Variants in INTS9 observed in about 807,000 individuals in gnomAD.
INTS9 encodes protein related to CPSF subunits of 74 kDa.
A neutral mutation model predicts 79.7 loss-of-function variants in INTS9; 55 were observed. The ratio of observed to expected loss-of-function variants is 0.69; its 90% CI spans 0.56 to 0.86. The LOEUF (loss-of-function observed/expected upper bound fraction) is 0.86, where lower values mean the gene tolerates loss of function less well. INTS9 is among the 40% of genes least tolerant of loss of function. INTS9 has a pLI of 0.00. For synonymous variants in INTS9, 319 were observed against 325.2 expected (o/e 0.98, Z 0.20); for missense variants, 721 against 831.5 (o/e 0.87, Z 1.64).
intron 6 of INTS9, among the ~76,000 whole-genome samples, chr8:28,816,166 ATTATACTT>A (rs1301330350): frequency 6.6e-6 from 1 of 151,320 alleles, no homozygotes; most frequent in African/African-American, 2.4e-5. Context: ...TTTTATTATT[ATTATACTT>A]TAAGTTTTAG....
chr8:28,886,072 G>C (rs961310355), intron 1 of INTS9, among the ~76,000 whole-genome samples: 7 of 152,232 alleles, frequency 4.6e-5, no homozygotes, highest in Admixed American at 3.9e-4. Context: ...GCCACCAAGA[G>C]GGTGATGTGC....
At chr8:28,833,676 A>G (rs967260393) in intron 6 of INTS9, among the ~76,000 whole-genome samples, 7 of 150,912 alleles carry the variant, frequency 4.6e-5, no homozygotes, top group Non-Finnish European at 7.4e-5. Context: ...GAAAAAGAAA[A>G]AGAAAAAAAA....
chr8:28,853,957 G>T (rs918293176), intron 2 of INTS9, among the ~76,000 whole-genome samples: 1 of 152,178 alleles, frequency 6.6e-6, no homozygotes, highest in African/African-American at 2.4e-5. Flanking sequence ...CTGACCTCGT[G>T]ATCTGCCCGC....
intron 6 of INTS9, among the ~76,000 whole-genome samples, chr8:28,829,889 G>A (rs565225215): frequency 6.6e-6 from 1 of 152,212 alleles, no homozygotes; most frequent in South Asian, 2.1e-4. Context: ...GGCCACGATC[G>A]CTGGAGCTAC....
chr8:28,783,747 A>G lies in INTS9; in HGVS notation c.1099-2753T>C, dbSNP rs2130909879. 2 of 152,380 alleles carry G rather than the reference A, an allele frequency of 1.3e-5. 1 individual carries two copies. The highest frequency in any genetic ancestry group is 4.1e-4 in the South Asian group (2 of 4,830). The allele number at this position is 152,380 out of a possible 1,614,324, so 9.4% of individuals were successfully genotyped here. On this transcript the variant is annotated intron_variant, in intron 11 of 16. Coordinates refer to ENST00000521022, the MANE Select transcript of INTS9 (RefSeq NM_018250.4). The stretch of plus-strand genomic sequence containing the variant: ...AAGCCGGAGCAAACATCGAATTCCC[A>G]CGTTCCTTCCAGGTAGTCTGCAAGT...
intron 3 of INTS9, among the ~76,000 whole-genome samples, chr8:28,848,620 G>T (rs1401509922): frequency 2.0e-5 from 3 of 152,160 alleles, no homozygotes; most frequent in Non-Finnish European, 4.4e-5. Flanking sequence ...TTAGGATGAG[G>T]TTAAAAATGA....
At chr8:28,779,631 AG>A (rs1803122505) in intron 12 of INTS9, among the ~76,000 whole-genome samples, 1 of 152,190 alleles carries the variant, frequency 6.6e-6, no homozygotes, top group African/African-American at 2.4e-5. Flanking sequence ...CACCCAATAC[AG>A]GGTGACGCCT....
intron 2 of INTS9, among the ~76,000 whole-genome samples, chr8:28,857,104 T>C (rs1808212981): frequency 6.6e-6 from 1 of 152,234 alleles, no homozygotes; most frequent in African/African-American, 2.4e-5. Flanking sequence ...TACCACATTT[T>C]CTTTATCCAG....
At chr8:28,814,332 A>ACT (rs1177244886) in intron 6 of INTS9, among the ~76,000 whole-genome samples, 8 of 132,388 alleles carry the variant, frequency 6.0e-5, no homozygotes, top group African/African-American at 1.6e-4. Context: ...ACACACACAC[A>ACT]CACTCTCACA....
intron 14 of INTS9, 82 bp downstream of exon 14, chr8:28,775,676 TC>T: frequency 1.1e-5 from 15 of 1,417,190 alleles, no homozygotes; most frequent in Non-Finnish European, 1.5e-5. Context: ...TTGACATAAA[TC>T]CAAAAGAAGG....
chr8:28,850,603 T>G (rs1174126775), intron 2 of INTS9, among the ~76,000 whole-genome samples: 1 of 152,234 alleles, frequency 6.6e-6, no homozygotes, highest in Non-Finnish European at 1.5e-5. Flanking sequence ...CCCATGTGTT[T>G]GACAACAGTC....
intron 1 of INTS9, among the ~76,000 whole-genome samples, chr8:28,869,190 A>C (rs117684780): frequency 2.1e-3 from 320 of 152,332 alleles, no homozygotes; most frequent in Non-Finnish European, 3.5e-3. Context: ...CTTTAAAAAA[A>C]ATATTTTATT....
intron 1 of INTS9, chr8:28,862,040 C>T (rs1033990989): frequency 3.1e-6 from 3 of 981,930 alleles, no homozygotes; most frequent in Non-Finnish European, 3.6e-6. Flanking sequence ...CACTGCTCAC[C>T]GTGGGTCAAC....
At chr8:28,814,152 A>G (rs759552639) in intron 6 of INTS9, among the ~76,000 whole-genome samples, 4 of 152,074 alleles carry the variant, frequency 2.6e-5, no homozygotes, top group Non-Finnish European at 5.9e-5. Context: ...CATTTGCTCC[A>G]AAAGAATCAG....
intron 11 of INTS9, among the ~76,000 whole-genome samples, chr8:28,781,651 ACCTATT>A (rs1178932492): frequency 6.6e-6 from 1 of 152,182 alleles, no homozygotes; most frequent in Non-Finnish European, 1.5e-5. Context: ...ACATGAAGGA[ACCTATT>A]CCTAAGTGAA....
chr8:28,829,053 A>G (rs1244198591), intron 6 of INTS9, among the ~76,000 whole-genome samples: 2 of 152,222 alleles, frequency 1.3e-5, no homozygotes, highest in Non-Finnish European at 2.9e-5. Context: ...AGTGCCATAA[A>G]AATTCAGCCA....
In INTS9 at chr8:28,784,114, C is replaced by G. The variant is rs569934038; in HGVS notation, c.1099-3120G>C. On this transcript the variant is annotated intron_variant, in intron 11 of 16. Transcript: ENST00000521022. ...TTGTTACCAGTACTAAGGGTGGAAC[C>G]ACCGTTTCTCATGGGCATTGGTAAC... 1.4e-4 allele frequency: 22 copies of G among 152,316 alleles called. No homozygotes were observed. The East Asian group carries it at 4.2e-3, about 29-fold the overall frequency. The allele number at this position is 152,316 out of a possible 1,614,324, so 9.4% of individuals were successfully genotyped here. A position where few individuals can be genotyped will look rare whatever the true frequency, so the allele number is the denominator to read the frequency against.
chr8:28,782,481 T>C (rs1803332274), intron 11 of INTS9, among the ~76,000 whole-genome samples: 1 of 152,240 alleles, frequency 6.6e-6, no homozygotes, highest in South Asian at 2.1e-4. Context: ...ATTTCTGTTG[T>C]TTGCTACTAG....
chr8:28,784,206 G>A (rs183433461), intron 11 of INTS9, among the ~76,000 whole-genome samples: 13 of 152,288 alleles, frequency 8.5e-5, no homozygotes, highest in Admixed American at 7.2e-4. Flanking sequence ...CTCATGGTAC[G>A]ACCACAGTCT....
Sources: gnomAD v4.1 joint callset for allele counts (sites outside exome capture counted in the v4.1 genomes callset) on GRCh38, gnomAD v4.1.1 for gene constraint, MANE v1.5 for transcripts, NCBI Gene and HGNC (gene_info 2026-07-23, HGNC 2026-07-21) for gene names.